The following DNAH7 variants were observed in gnomAD, a reference collection of about 807,000 sequenced individuals.
DNAH7 encodes the protein dynein axonemal heavy chain 7.
A neutral mutation model predicts 444.6 loss-of-function variants in DNAH7; 397 were observed. The ratio of observed to expected loss-of-function variants is 0.89; its 90% CI spans 0.82 to 0.97. DNAH7 has a LOEUF of 0.97. DNAH7 is among the 50% of genes least tolerant of loss of function. The probability of loss-of-function intolerance (pLI) is 0.00; values close to 1 mark genes in which losing one functional copy is unlikely to be tolerated. For synonymous variants in DNAH7, 1,636 were observed against 1,624.4 expected, an observed-to-expected ratio of 1.01 and a Z score of -0.17; for missense variants, 4,902 against 4,800.8, an observed-to-expected ratio of 1.02 and a Z score of -0.62.
intron 1 of DNAH7, among the ~76,000 whole-genome samples, chr2:196,064,479 C>T (rs1157588479): frequency 4.6e-5 from 7 of 152,066 alleles, no homozygotes; most frequent in African/African-American, 9.7e-5. Flanking sequence ...TATTTACTCA[C>T]GTCTTATTCT....
At chr2:195,866,440 C>T (rs981631313) in intron 40 of DNAH7, among the ~76,000 whole-genome samples, 18 of 152,082 alleles carry the variant, frequency 1.2e-4, no homozygotes, top group Admixed American at 9.8e-4. Context: ...CTCTGTGAGA[C>T]AATCTAATTT....
At chr2:196,024,530 T>C (rs372616932) in intron 7 of DNAH7, 26 bp from the exon 8 acceptor site, 2 of 1,382,626 alleles carry the variant, frequency 1.4e-6, no homozygotes, top group Non-Finnish European at 2.0e-6. Flanking sequence ...AAAATTCTGA[T>C]AAATAACCTT....
intron 10 of DNAH7, among the ~76,000 whole-genome samples, chr2:196,008,683 A>G (rs1007311952): frequency 1.3e-5 from 2 of 152,250 alleles, no homozygotes; most frequent in African/African-American, 4.8e-5. Context: ...CCAGGCATAA[A>G]TGACCATATA....
intron 5 of DNAH7, among the ~76,000 whole-genome samples, chr2:196,030,555 G>A (rs946977951): frequency 1.3e-5 from 2 of 152,196 alleles, no homozygotes; most frequent in East Asian, 1.9e-4. Flanking sequence ...GACAAGGCAA[G>A]TCCCTACCGC....
At chr2:196,034,348 A>G (rs1322752459) in intron 5 of DNAH7, among the ~76,000 whole-genome samples, 1 of 152,240 alleles carries the variant, frequency 6.6e-6, no homozygotes, top group African/African-American at 2.4e-5. Context: ...ATTTCTACAC[A>G]AAAATGTATA....
intron 46 of DNAH7, among the ~76,000 whole-genome samples, chr2:195,852,224 C>T (rs1038421633): frequency 1.3e-5 from 2 of 152,112 alleles, no homozygotes; most frequent in Non-Finnish European, 2.9e-5. Flanking sequence ...CACCACTGCA[C>T]TCCAGTCTGG....
At chr2:195,740,972 G>C in intron 63 of DNAH7, 103 bp from the exon 64 acceptor site, 1 of 505,510 alleles carries the variant, frequency 2.0e-6, no homozygotes, top group Non-Finnish European at 3.2e-6. Flanking sequence ...GGTGATACTA[G>C]ATTTGCAGCC....
chr2:195,931,669 T>C (rs1157167921), intron 21 of DNAH7, among the ~76,000 whole-genome samples: 2 of 152,204 alleles, frequency 1.3e-5, no homozygotes, highest in African/African-American at 2.4e-5. Flanking sequence ...GCACCATTTA[T>C]TAAATAGGGA....
rs751818199 is a variant in DNAH7, at chr2:195,738,065, C to T, written c.11931G>A (p.Leu3977=). Residue 3977 remains leucine (L), a synonymous_variant, in exon 65 of 65, where the codon TTG becomes TTA. Transcript: ENST00000312428. Reference sequence around the variant, plus strand: ...CTCCTCTCCGCTCACTTGTCTTATACAATGGAGCAACATAACTTGGCCGTT... The same window carrying T: ...CTCCTCTCCGCTCACTTGTCTTATATAATGGAGCAACATAACTTGGCCGTT... The part of the protein sequence containing the change: ...IPKRPSYVAP[L]YKTSERRGVL... 6.2e-7 allele frequency: 1 copy of T among 1,614,018 alleles called. No individual in the cohort carries two copies.
chr2:195,959,872 AATT>A (rs763246972), intron 18 of DNAH7, among the ~76,000 whole-genome samples: 2 of 152,220 alleles, frequency 1.3e-5, no homozygotes, highest in Non-Finnish European at 2.9e-5. Flanking sequence ...TTTAAAACAA[AATT>A]ATTATCTTCC....
At chr2:195,775,573 A>G (rs1301536786) in intron 60 of DNAH7, among the ~76,000 whole-genome samples, 1 of 152,064 alleles carries the variant, frequency 6.6e-6, no homozygotes, top group Non-Finnish European at 1.5e-5. Flanking sequence ...AGGTAGGGCA[A>G]GAAAGGCAAA....
At chr2:195,740,267 G>C (rs964176121) in intron 64 of DNAH7, among the ~76,000 whole-genome samples, 23 of 152,188 alleles carry the variant, frequency 1.5e-4, no homozygotes, top group African/African-American at 5.1e-4. Flanking sequence ...TTACAGGTGT[G>C]AGCCACTGCG....
chr2:195,960,093 ATATT>A (rs1690978564), intron 18 of DNAH7, among the ~76,000 whole-genome samples, 163 bp downstream of exon 18: 1 of 152,224 alleles, frequency 6.6e-6, no homozygotes, highest in African/African-American at 2.4e-5. Context: ...AAGACCTTAA[ATATT>A]TAGTATGAAA....
chr2:196,065,498 T>A (rs935569614), intron 1 of DNAH7, among the ~76,000 whole-genome samples: 10 of 152,208 alleles, frequency 6.6e-5, no homozygotes, highest in Non-Finnish European at 1.5e-4. Context: ...TTTACCCTCT[T>A]CTTCCTGCTC....
At chr2:195,786,331 A>G (rs1439298731) in intron 58 of DNAH7, among the ~76,000 whole-genome samples, 1 of 152,238 alleles carries the variant, frequency 6.6e-6, no homozygotes, top group Non-Finnish European at 1.5e-5. Flanking sequence ...TAACTTTCAG[A>G]AAAAGGCCTC....
chr2:195,812,119 A>G (rs1696999859), intron 51 of DNAH7, among the ~76,000 whole-genome samples: 1 of 152,132 alleles, frequency 6.6e-6, no homozygotes, highest in Admixed American at 6.5e-5. Flanking sequence ...ACCCAGAAGC[A>G]GACTCAGGGA....
At chr2:195,831,216 T>A (rs1466092107) in intron 48 of DNAH7, among the ~76,000 whole-genome samples, 1 of 152,256 alleles carries the variant, frequency 6.6e-6, no homozygotes, top group Non-Finnish European at 1.5e-5. Context: ...TCCATTGGCA[T>A]AGCTAATACA....
intron 32 of DNAH7, 94 bp from the exon 33 acceptor site, chr2:195,888,528 C>A (rs1701836820): frequency 1.5e-6 from 2 of 1,294,496 alleles, no homozygotes; most frequent in East Asian, 2.6e-5. Flanking sequence ...TCAGCAAAGT[C>A]TTGGGCGGGG....
intron 19 of DNAH7, among the ~76,000 whole-genome samples, chr2:195,938,344 TCACACACACACACA>T (rs68056425): frequency 5.2e-5 from 7 of 134,080 alleles, no homozygotes; most frequent in East Asian, 2.1e-4. Context: ...AAATAGACAT[TCACACACACACACA>T]CACACACACA....
Sources: allele counts gnomAD v4.1 joint callset (sites outside exome capture counted in the v4.1 genomes callset), GRCh38; gene constraint gnomAD v4.1.1; transcripts MANE v1.5; gene names NCBI Gene and HGNC (gene_info 2026-07-23, HGNC 2026-07-21).